Variants in ST8SIA1 observed in about 807,000 individuals in gnomAD.
The protein encoded by ST8SIA1 is ST8 alpha-N-acetyl-neuraminide alpha-2,8-sialyltransferase 1.
A neutral mutation model predicts 35.9 loss-of-function variants in ST8SIA1; 16 were observed. That is an observed-to-expected ratio of 0.45 (90% confidence interval 0.30 to 0.68). ST8SIA1 has a LOEUF of 0.68. Among genes scored for constraint, ST8SIA1 ranks in the 30% least tolerant of loss-of-function variants. ST8SIA1 has a pLI of 0.09. For synonymous variants in ST8SIA1, 170 were observed against 169.6 expected, an observed-to-expected ratio of 1.00 and a Z score of -0.02; for missense variants, 383 against 453.6, an observed-to-expected ratio of 0.84 and a Z score of 1.41.
chr12:22,303,791 G>A (rs956916844), intron 1 of ST8SIA1, among the ~76,000 whole-genome samples: 2 of 150,334 alleles, frequency 1.3e-5, no homozygotes, highest in Non-Finnish European at 3.0e-5. Flanking sequence ...TCCAAATTAT[G>A]GGAAAAGGCC....
chr12:22,316,654 A>C (rs914306549), intron 1 of ST8SIA1, among the ~76,000 whole-genome samples: 2 of 152,234 alleles, frequency 1.3e-5, no homozygotes, highest in African/African-American at 4.8e-5. Context: ...AAAAAATTCA[A>C]ACATAAACGT....
At chr12:22,312,180 TC>T (rs2135833446) in intron 1 of ST8SIA1, among the ~76,000 whole-genome samples, 1 of 152,190 alleles carries the variant, frequency 6.6e-6, no homozygotes, top group African/African-American at 2.4e-5. Context: ...TGTTAAAATC[TC>T]CCCTCCTGGC....
At chr12:22,225,972 A>G (rs1376029682) in intron 4 of ST8SIA1, among the ~76,000 whole-genome samples, 2 of 152,110 alleles carry the variant, frequency 1.3e-5, no homozygotes, top group Non-Finnish European at 2.9e-5. Flanking sequence ...CCCACCCCAG[A>G]GCTGGTTTTG....
At chr12:22,312,401 C>T (rs779227962) in intron 1 of ST8SIA1, among the ~76,000 whole-genome samples, 3 of 152,140 alleles carry the variant, frequency 2.0e-5, no homozygotes, top group Non-Finnish European at 2.9e-5. Flanking sequence ...AGTATTCAAA[C>T]ACCAGAACTG....
intron 4 of ST8SIA1, among the ~76,000 whole-genome samples, chr12:22,238,163 T>TCCC (rs5796956): frequency 2.6e-4 from 39 of 151,666 alleles, no homozygotes; most frequent in East Asian, 5.8e-4. Flanking sequence ...ACTTGAGAAC[T>TCCC]CCCCCCCCAA....
chr12:22,305,872 G>C (rs1023419500), intron 1 of ST8SIA1, among the ~76,000 whole-genome samples: 3 of 152,136 alleles, frequency 2.0e-5, no homozygotes, highest in African/African-American at 7.2e-5. Context: ...GCTACATCTT[G>C]AATTATTTAG....
At chr12:22,209,662 C>T (rs1865156084) in intron 4 of ST8SIA1, among the ~76,000 whole-genome samples, 1 of 152,206 alleles carries the variant, frequency 6.6e-6, no homozygotes, top group South Asian at 2.1e-4. Flanking sequence ...CCATCCATCA[C>T]TTCTTTTAGG....
chr12:22,307,272 G>T (rs1294189090), intron 1 of ST8SIA1, among the ~76,000 whole-genome samples: 4 of 152,076 alleles, frequency 2.6e-5, no homozygotes, highest in Non-Finnish European at 5.9e-5. Context: ...GATCCACGGG[G>T]ACTCAGCCAT....
At chr12:22,261,686 A>C (rs1865793890) in intron 2 of ST8SIA1, among the ~76,000 whole-genome samples, 1 of 152,182 alleles carries the variant, frequency 6.6e-6, no homozygotes, top group Admixed American at 6.5e-5. Context: ...ATTAATCTCC[A>C]AATTTGAAGA....
rs756786741 is a variant in ST8SIA1 at position 22,201,937 on chromosome 12, G to T, written c.686C>A (p.Thr229Lys). 4 of 1,613,996 alleles carry T rather than the reference G, an allele frequency of 2.5e-6. No homozygotes were observed. In the South Asian group the frequency reaches 4.4e-5, roughly 18 times the overall value. Residue 229 changes from threonine to lysine, a missense_variant, in exon 5 of 5, where the codon ACA becomes AAA. Thr to Lys is a moderately conservative substitution (Grantham distance 78). Transcript: ENST00000396037. ...YMPAFSMKTG[T>K]EPSLRVYYTL... ...ATAATAAACCCTCAAAGATGGCTCT[G>T]TTCCTGTCTTCATAGAAAAGGCAGG...
intron 1 of ST8SIA1, among the ~76,000 whole-genome samples, chr12:22,319,229 C>CT (rs1866554128): frequency 6.6e-6 from 1 of 152,174 alleles, no homozygotes; most frequent in African/African-American, 2.4e-5. Flanking sequence ...AATAGCAACT[C>CT]TATTACTGAA....
intron 1 of ST8SIA1, among the ~76,000 whole-genome samples, chr12:22,326,627 A>G (rs190850441): frequency 6.6e-6 from 1 of 152,338 alleles, no homozygotes; most frequent in East Asian, 1.9e-4. Flanking sequence ...GACATTTTCC[A>G]GGTGGGAACA....
At chr12:22,273,453 G>C (rs1865935012) in intron 2 of ST8SIA1, among the ~76,000 whole-genome samples, 1 of 152,060 alleles carries the variant, frequency 6.6e-6, no homozygotes, top group Non-Finnish European at 1.5e-5. Context: ...TTTGGGTAGG[G>C]GGACCACCCC....
intron 2 of ST8SIA1, among the ~76,000 whole-genome samples, chr12:22,262,669 C>T (rs951030667): frequency 6.6e-6 from 1 of 152,132 alleles, no homozygotes; most frequent in South Asian, 2.1e-4. Flanking sequence ...AAATGTAAAC[C>T]ACTTAGTGGA....
Position 22,333,988 on chromosome 12 carries a change from C to A in ST8SIA1, c.236+9G>T. The A allele has an allele frequency of 6.2e-7, 1 of 1,612,412 alleles. No homozygotes were observed. Among genetic ancestry groups the A allele is most frequent in the South Asian group, 1.1e-5 (1 of 91,070 alleles). ...CGCTAGAGGGGAGGAGCCGCGAGGG[C>A]AGGAGTACCTGAACGCTCTGGCCGC... On this transcript the variant is annotated intron_variant, in intron 1 of 4. Coordinates refer to ENST00000396037, the MANE Select transcript of ST8SIA1 (RefSeq NM_003034.4).
At chr12:22,257,037 A>C (rs1865736095) in intron 2 of ST8SIA1, among the ~76,000 whole-genome samples, 1 of 152,204 alleles carries the variant, frequency 6.6e-6, no homozygotes, top group Non-Finnish European at 1.5e-5. Context: ...GGTGACAAGG[A>C]CATAAGTAAA....
At chr12:22,215,532 G>C (rs940620665) in intron 4 of ST8SIA1, among the ~76,000 whole-genome samples, 3 of 152,188 alleles carry the variant, frequency 2.0e-5, no homozygotes, top group African/African-American at 7.2e-5. Context: ...GAGTGAGAGT[G>C]TTGCTGTTTT....
intron 4 of ST8SIA1, among the ~76,000 whole-genome samples, chr12:22,207,737 A>T (rs1457043638): frequency 6.6e-6 from 1 of 152,148 alleles, no homozygotes; most frequent in East Asian, 1.9e-4. Flanking sequence ...ACCTAACATG[A>T]TAGCTTTTGA....
intron 1 of ST8SIA1, among the ~76,000 whole-genome samples, chr12:22,296,665 A>C (rs1866248008): frequency 6.6e-6 from 1 of 152,228 alleles, no homozygotes; most frequent in African/African-American, 2.4e-5. Context: ...TCACAGAAAA[A>C]CAGGGAAGTG....
Sources: gnomAD v4.1 joint callset for allele counts (sites outside exome capture counted in the v4.1 genomes callset) on GRCh38, gnomAD v4.1.1 for gene constraint, MANE v1.5 for transcripts, NCBI Gene and HGNC (gene_info 2026-07-23, HGNC 2026-07-21) for gene names.